The following EZH2 variants were observed in gnomAD, a reference collection of about 807,000 sequenced individuals.
The protein encoded by EZH2 is enhancer of zeste 2 polycomb repressive complex 2 subunit.
In EZH2, 18 loss-of-function variants were observed where a neutral mutation model predicts 98.4. The ratio of observed to expected loss-of-function variants is 0.18; its 90% CI spans 0.13 to 0.27. The LOEUF (loss-of-function observed/expected upper bound fraction) is 0.27. Ranked by LOEUF, EZH2 falls within the 10% of genes least tolerant of loss-of-function variation. EZH2 has a pLI of 1.00. For missense variants in EZH2, 470 were observed against 935.1 expected (o/e 0.50, Z 6.49); for synonymous variants, 338 against 312.3 (o/e 1.08, Z -0.87).
intron 1 of EZH2, among the ~76,000 whole-genome samples, chr7:148,859,843 C>T (rs941067606): frequency 2.6e-5 from 4 of 152,194 alleles, no homozygotes; most frequent in African/African-American, 9.6e-5. Flanking sequence ...CACAGCTTTA[C>T]AGAATTTTGA....
At chr7:148,822,920 C>T (rs1167120851) in intron 8 of EZH2, among the ~76,000 whole-genome samples, 8 of 152,002 alleles carry the variant, frequency 5.3e-5, no homozygotes, top group Non-Finnish European at 1.2e-4. Context: ...CCAGCCTGGG[C>T]GACAGAGCGA....
chr7:148,831,817 C>T (rs1809479208), intron 4 of EZH2, among the ~76,000 whole-genome samples: 1 of 152,146 alleles, frequency 6.6e-6, no homozygotes, highest in African/African-American at 2.4e-5. Flanking sequence ...AGTAATACAA[C>T]TATATATTTT....
In EZH2 at chr7:148,812,181, CCT is replaced by C. The variant is rs138707584; in HGVS notation, c.1852-463_1852-462del. Reference sequence around the variant, plus strand: ...TTCCATTTTCAGCCCCAGGACACCCCCTGATTCTTCACTGGCGTTGGTTCCCT... The same window carrying C: ...TTCCATTTTCAGCCCCAGGACACCCCGATTCTTCACTGGCGTTGGTTCCCT... On this transcript the variant is annotated intron_variant, in intron 15 of 19. Transcript: ENST00000320356. 6.6e-5 allele frequency among the ~76,000 whole-genome samples: 10 copies of C among 152,286 alleles called. No homozygotes were observed. In the East Asian group the frequency reaches 7.7e-4, roughly 12 times the overall value.
rs774110836 is a variant in EZH2, at chr7:148,811,616, G to A, written c.1947+9C>T. The stretch of plus-strand genomic sequence containing the variant: ...AATGCCACCTGAATACAGGTTATCA[G>A]TGCCTTACCTCTCCACAGTATTCTG... On this transcript the variant is annotated intron_variant, in intron 16 of 19. Transcript: ENST00000320356. 11 of 1,610,076 alleles carry A rather than the reference G, an allele frequency of 6.8e-6. No homozygotes were observed. In the South Asian group the frequency reaches 9.9e-5, roughly 14 times the overall value.
At chr7:148,882,204 T>C (rs1821107542) in intron 1 of EZH2, among the ~76,000 whole-genome samples, 1 of 152,230 alleles carries the variant, frequency 6.6e-6, no homozygotes, top group Non-Finnish European at 1.5e-5. Context: ...AAAATATATG[T>C]AATAAATTTA....
At chr7:148,811,601 G>C (rs957889069) in intron 16 of EZH2, 24 bp downstream of exon 16, 1 of 1,582,466 alleles carries the variant, frequency 6.3e-7, no homozygotes, top group African/African-American at 1.3e-5. Flanking sequence ...AATGCCACCT[G>C]AATACAGGTT....
At chr7:148,816,046 G>C (rs536471512) in intron 12 of EZH2, among the ~76,000 whole-genome samples, 1 of 152,280 alleles carries the variant, frequency 6.6e-6, no homozygotes, top group South Asian at 2.1e-4. Flanking sequence ...AATGTAACAT[G>C]AGCCTGTACA....
intron 3 of EZH2, among the ~76,000 whole-genome samples, chr7:148,835,476 CCAA>C (rs1810663583): frequency 6.6e-6 from 1 of 151,206 alleles, no homozygotes; most frequent in Admixed American, 6.6e-5. Context: ...AGCATCTCCT[CCAA>C]CAACAACTTA....
At chr7:148,814,557 T>G (rs932294531) in intron 14 of EZH2, among the ~76,000 whole-genome samples, 1 of 151,314 alleles carries the variant, frequency 6.6e-6, no homozygotes, top group Non-Finnish European at 1.5e-5. Context: ...AAAACCCTCC[T>G]AACTCTGACG....
chr7:148,883,353 G>C (rs1175222859), intron 1 of EZH2: 1 of 152,280 alleles, frequency 6.6e-6, no homozygotes, highest in South Asian at 2.1e-4. Context: ...AATCAATAGA[G>C]AGCAGAGCAG....
chr7:148,881,899 A>G (rs1821012788), intron 1 of EZH2, among the ~76,000 whole-genome samples: 2 of 147,710 alleles, frequency 1.4e-5, no homozygotes, highest in Non-Finnish European at 3.0e-5. Flanking sequence ...CAGCCACTGC[A>G]CTCCAGCCTG....
In EZH2 at chr7:148,811,873, G is replaced by A. The variant is rs369238138; in HGVS notation, c.1852-153C>T. 325 of 616,362 alleles carry A rather than the reference G, an allele frequency of 5.3e-4. 6 individuals are homozygous for A. The South Asian group carries it at 6.1e-3, about 11-fold the overall frequency. The allele number at this position is 616,362 out of a possible 1,614,324, so 38.2% of individuals were successfully genotyped here. A position where few individuals can be genotyped will look rare whatever the true frequency, so the allele number is the denominator to read the frequency against. ...AATTGGGCACACAGCTTCAGTCAAC[G>A]TGAAAGCTGCTGAGAATGGCTATGA... On this transcript the variant is annotated intron_variant, in intron 15 of 19. Coordinates refer to ENST00000320356, the MANE Select transcript of EZH2 (RefSeq NM_004456.5).
At chr7:148,822,512 A>C (rs1806435381) in intron 8 of EZH2, among the ~76,000 whole-genome samples, 1 of 152,040 alleles carries the variant, frequency 6.6e-6, no homozygotes, top group African/African-American at 2.4e-5. Context: ...TGTCTCAAAA[A>C]AAAAAAAAAG....
At chr7:148,867,559 T>C (rs962887805) in intron 1 of EZH2, among the ~76,000 whole-genome samples, 2 of 152,210 alleles carry the variant, frequency 1.3e-5, no homozygotes, top group African/African-American at 4.8e-5. Flanking sequence ...TTCCTACAGT[T>C]ACCTTCCTGC....
chr7:148,816,783 C>G lies in EZH2; in HGVS notation c.1411-5G>C. The stretch of plus-strand genomic sequence containing the variant: ...TTTGACTCTAAACTCATACACCTGA[C>G]AAGAGGCACAGTCACAGAGCCATGA... On this transcript the variant is annotated splice_polypyrimidine_tract_variant and splice_region_variant and intron_variant, in intron 11 of 19. Coordinates refer to ENST00000320356, the MANE Select transcript of EZH2 (RefSeq NM_004456.5). 1.9e-6 allele frequency: 3 copies of G among 1,608,528 alleles called. No individual in the cohort carries two copies. The highest frequency in any genetic ancestry group is 2.2e-5 in the South Asian group (2 of 90,964).
At chr7:148,822,845 G>T (rs147177068) in intron 8 of EZH2, among the ~76,000 whole-genome samples, 1 of 152,158 alleles carries the variant, frequency 6.6e-6, no homozygotes, top group East Asian at 1.9e-4. Flanking sequence ...AGAAGGCTGA[G>T]GCAGGAGAAT....
rs750852762 is a variant in EZH2 at position 148,829,855 on chromosome 7, GAA to G, written c.364-9_364-8del. Reference sequence around the variant, plus strand: ...AAACAGTTTCATCTTCCACCTAAAAGAAAAAAATATATTTAAAAAGCAGGTTT... The same window carrying G: ...AAACAGTTTCATCTTCCACCTAAAAGAAAAATATATTTAAAAAGCAGGTTT... On this transcript the variant is annotated splice_region_variant and splice_polypyrimidine_tract_variant and intron_variant, in intron 4 of 19. Transcript: ENST00000320356. 3.9e-6 allele frequency: 6 copies of G among 1,537,452 alleles called. No individual in the cohort carries two copies. Among genetic ancestry groups the G allele is most frequent in the Non-Finnish European group, 4.4e-6 (5 of 1,136,376 alleles).
chr7:148,836,948 C>G (rs2129480619), intron 3 of EZH2: 1 of 509,684 alleles, frequency 2.0e-6, no homozygotes, highest in African/African-American at 1.9e-5. Context: ...AAGGCTGGTT[C>G]CAAGTAAAAA....
At chr7:148,838,669 G>C (rs1012783582) in intron 3 of EZH2, among the ~76,000 whole-genome samples, 2 of 152,182 alleles carry the variant, frequency 1.3e-5, no homozygotes, top group Admixed American at 6.5e-5. Context: ...TAAATCTATA[G>C]TTTATATAGG....
Sources: gnomAD v4.1 joint callset for allele counts (sites outside exome capture counted in the v4.1 genomes callset) on GRCh38, gnomAD v4.1.1 for gene constraint, MANE v1.5 for transcripts, NCBI Gene and HGNC (gene_info 2026-07-23, HGNC 2026-07-21) for gene names.